The following ASIC2 variants were observed in gnomAD, a reference collection of about 807,000 sequenced individuals.
ASIC2 encodes acid sensing ion channel subunit 2.
A neutral mutation model predicts 57.3 loss-of-function variants in ASIC2; 25 were observed. The observed-to-expected ratio is 0.44, with a 90% CI of 0.32 to 0.61. The LOEUF (loss-of-function observed/expected upper bound fraction) is 0.61. Ranked by LOEUF, ASIC2 falls within the 20% of genes least tolerant of loss-of-function variation. The probability of loss-of-function intolerance (pLI) is 0.06; values close to 1 mark genes in which losing one functional copy is unlikely to be tolerated. For synonymous variants in ASIC2, 319 were observed against 307.5 expected, an observed-to-expected ratio of 1.04 and a Z score of -0.39; for missense variants, 641 against 738.1, an observed-to-expected ratio of 0.87 and a Z score of 1.52.
chr17:33,081,086 A>T (rs1429202468), intron 3 of ASIC2, among the ~76,000 whole-genome samples: 1 of 152,130 alleles, frequency 6.6e-6, no homozygotes, highest in Non-Finnish European at 1.5e-5. Context: ...ACTGGAGTAT[A>T]TTTTTATGGG....
chr17:33,947,255 G>A (rs1904407961), intron 1 of ASIC2, among the ~76,000 whole-genome samples: 3 of 152,144 alleles, frequency 2.0e-5, no homozygotes, highest in Admixed American at 1.3e-4. Flanking sequence ...CCTCCCTCTA[G>A]GCATGAGTAG....
intron 2 of ASIC2, among the ~76,000 whole-genome samples, chr17:33,091,566 T>C (rs1054969536): frequency 3.0e-4 from 45 of 152,310 alleles, no homozygotes; most frequent in African/African-American, 1.1e-3. Flanking sequence ...CTGTCAGAAA[T>C]GCCATGAGTA....
At chr17:33,223,452 G>A (rs969147044) in intron 1 of ASIC2, among the ~76,000 whole-genome samples, 3 of 152,086 alleles carry the variant, frequency 2.0e-5, no homozygotes, top group African/African-American at 7.2e-5. Flanking sequence ...CAAAGTGCTG[G>A]GATTACAGGC....
intron 1 of ASIC2, among the ~76,000 whole-genome samples, chr17:33,477,354 C>A (rs1567625199): frequency 6.6e-6 from 1 of 152,140 alleles, no homozygotes; most frequent in Non-Finnish European, 1.5e-5. Flanking sequence ...CATTGGGAAG[C>A]TACATGGTGT....
At chr17:33,973,515 C>T (rs1043862197) in intron 1 of ASIC2, among the ~76,000 whole-genome samples, 4 of 152,208 alleles carry the variant, frequency 2.6e-5, no homozygotes, top group Admixed American at 2.6e-4. Flanking sequence ...GGCAGGGATG[C>T]AAATTCCAGA....
At chr17:34,098,229 G>A (rs183520160) in intron 1 of ASIC2, among the ~76,000 whole-genome samples, 125 of 152,292 alleles carry the variant, frequency 8.2e-4, no homozygotes, top group Admixed American at 1.4e-3. Context: ...TGGAAGCACA[G>A]CCCCTAGGTA....
intron 1 of ASIC2, among the ~76,000 whole-genome samples, chr17:33,928,490 A>G (rs1052135076): frequency 1.7e-4 from 26 of 151,748 alleles, no homozygotes; most frequent in African/African-American, 6.1e-4. Context: ...GATATGACCC[A>G]CTCTTTGGTT....
Position 33,292,001 on chromosome 17 carries a change from C to T in ASIC2, c.115G>A (p.Gly39Arg), listed in dbSNP as rs1337712104. The T allele has an allele frequency of 2.4e-6, 3 of 1,238,784 alleles. No individual in the cohort carries two copies. The highest frequency in any genetic ancestry group is 3.6e-5 in the South Asian group (1 of 27,542). The allele number at this position is 1,238,784 out of a possible 1,614,324, so 76.7% of individuals were successfully genotyped here. ...GCCCGCTCGCCGCCTCTGCCGCCCC[C>T]GGGCTGCCCGGCAGCCGCCAACGCC... Reference protein sequence around the residue: ...PAALAAAGQPGGGRGGERALQ... With the variant: ...PAALAAAGQPRGGRGGERALQ... The change falls in exon 1 of 10, where the codon GGG becomes AGG. Residue 39 changes from glycine (G) to arginine (R), a missense_variant. Coordinates refer to ENST00000225823, the MANE Select transcript of ASIC2 (RefSeq NM_183377.2).
At chr17:33,878,551 T>C (rs376383552) in intron 1 of ASIC2, among the ~76,000 whole-genome samples, 1 of 151,996 alleles carries the variant, frequency 6.6e-6, no homozygotes, top group Non-Finnish European at 1.5e-5. Flanking sequence ...AAGAGAAGTT[T>C]AGAGAAAAAA....
chr17:33,579,530 G>C (rs532294223), intron 1 of ASIC2, among the ~76,000 whole-genome samples: 23 of 151,998 alleles, frequency 1.5e-4, no homozygotes, highest in Admixed American at 3.3e-4. Context: ...GTGGGTTCTC[G>C]GTCTCCCTGC....
intron 1 of ASIC2, among the ~76,000 whole-genome samples, chr17:33,844,653 T>C (rs1019424171): frequency 6.6e-6 from 1 of 152,186 alleles, no homozygotes; most frequent in South Asian, 2.1e-4. Flanking sequence ...ACAGAGATGG[T>C]GGTGACTTGC....
chr17:33,957,806 A>G lies in ASIC2; in HGVS notation c.555+198172T>C, dbSNP rs565396754. Among the ~76,000 whole-genome samples the G allele has an allele frequency of 2.6e-5, 4 of 152,256 alleles. No individual in the cohort carries two copies. The South Asian group carries it at 8.3e-4, about 32-fold the overall frequency. ...AATCATGCCTTCCCAACAGTCCCCC[A>G]AAGTCTTAACTTATTTCAGCATTAA... is the stretch of plus-strand genomic sequence containing the variant. On this transcript the variant is annotated intron_variant, in intron 1 of 9. Transcript: ENST00000359872.
At chr17:33,796,191 T>C (rs1911915180) in intron 1 of ASIC2, among the ~76,000 whole-genome samples, 1 of 152,202 alleles carries the variant, frequency 6.6e-6, no homozygotes, top group Admixed American at 6.5e-5. Context: ...GTTTAGTACA[T>C]ACTTTGAGAA....
At chr17:33,898,218 A>ATTTTTTTTTTT (rs1242866465) in intron 1 of ASIC2, among the ~76,000 whole-genome samples, 1 of 67,828 alleles carries the variant, frequency 1.5e-5, no homozygotes, top group Non-Finnish European at 3.0e-5. Flanking sequence ...TTCATGTATA[A>ATTTTTTTTTTT]TCTTTTTTTT....
intron 1 of ASIC2, among the ~76,000 whole-genome samples, chr17:33,163,187 TAGAA>T (rs1456639844): frequency 6.6e-6 from 1 of 152,098 alleles, no homozygotes; most frequent in Non-Finnish European, 1.5e-5. Flanking sequence ...ATCTGAGTGT[TAGAA>T]AGGGCTCTCC....
At chr17:34,038,053 A>G in intron 1 of ASIC2, 4 of 1,613,404 alleles carry the variant, frequency 2.5e-6, no homozygotes, top group African/African-American at 1.3e-5. Context: ...GCTCCATGCC[A>G]TCCACTGAAT....
At chr17:33,408,841 A>G (rs1025182151) in intron 1 of ASIC2, among the ~76,000 whole-genome samples, 1 of 152,190 alleles carries the variant, frequency 6.6e-6, no homozygotes, top group Non-Finnish European at 1.5e-5. Flanking sequence ...CCACAGAGTG[A>G]GGGATGAGAG....
chr17:33,055,468 G>A (rs1029499941), intron 3 of ASIC2, among the ~76,000 whole-genome samples: 3 of 152,124 alleles, frequency 2.0e-5, no homozygotes, highest in Admixed American at 6.5e-5. Context: ...CTATGTTATG[G>A]CTGAATTTTC....
intron 1 of ASIC2, among the ~76,000 whole-genome samples, chr17:33,229,176 G>C (rs1907996733): frequency 6.6e-6 from 1 of 152,142 alleles, no homozygotes; most frequent in African/African-American, 2.4e-5. Context: ...TACCAAGCAA[G>C]AGGAGAGCTG....
Sources: gnomAD v4.1 joint callset for allele counts (sites outside exome capture counted in the v4.1 genomes callset) on GRCh38, gnomAD v4.1.1 for gene constraint, MANE v1.5 for transcripts, NCBI Gene and HGNC (gene_info 2026-07-23, HGNC 2026-07-21) for gene names.